Variants in WWOX observed in about 807,000 individuals in gnomAD.
The protein encoded by WWOX is WW domain-containing oxidoreductase.
Under a neutral mutation model 46.2 loss-of-function variants are expected in WWOX, and 69 were observed. The ratio of observed to expected loss-of-function variants is 1.49; its 90% CI spans 1.23 to 1.82. The LOEUF is 1.82. Among genes scored for constraint, WWOX ranks in the 40% most tolerant of loss-of-function variants. The pLI is 0.00. For missense variants in WWOX, 919 were observed against 542.6 expected (o/e 1.69, Z -6.89); for synonymous variants, 359 against 202.6 (o/e 1.77, Z -6.56).
Position 78,691,335 on chromosome 16 carries a change from C to A in WWOX, c.1056+258583C>A, listed in dbSNP as rs1166843528. 6 of 699,240 alleles carry A rather than the reference C, an allele frequency of 8.6e-6. No individual in the cohort carries two copies. The East Asian group carries it at 1.1e-4, about 13-fold the overall frequency. 43.3% of individuals were successfully genotyped at this position (699,240 alleles called of 1,614,324 possible). On this transcript the variant is annotated intron_variant, in intron 8 of 8. Transcript: ENST00000566780. Reference sequence around the variant, plus strand: ...AAAAGATTTACAATTATTTCATTTTCAACATAGCTTTATCTTATGACAAAG... The same window carrying A: ...AAAAGATTTACAATTATTTCATTTTAAACATAGCTTTATCTTATGACAAAG...
chr16:78,721,093 T>C (rs76960625), intron 8 of WWOX, among the ~76,000 whole-genome samples: 3,296 of 152,254 alleles, frequency 0.022, 69 homozygotes, highest in African/African-American at 0.046. Context: ...TATATATTTA[T>C]ATAAATCTCT....
chr16:78,544,760 A>G lies in WWOX; in HGVS notation c.1056+112008A>G, dbSNP rs536771614. 1.1e-4 allele frequency among the ~76,000 whole-genome samples: 17 copies of G among 152,270 alleles called. No homozygotes were observed. The South Asian group carries it at 3.3e-3, about 30-fold the overall frequency. On this transcript the variant is annotated intron_variant, in intron 8 of 8. Transcript: ENST00000566780. ...TATGGTTGTGCACTCCTGTGGTTCCAGCTACTCAGGAGACTGCGGTAGGGG... is the reference window on the plus strand; with the variant it reads ...TATGGTTGTGCACTCCTGTGGTTCCGGCTACTCAGGAGACTGCGGTAGGGG...
rs1268902626 is a variant in WWOX, at chr16:78,099,866, G to C, written c.88G>C (p.Gly30Arg). 12 of 1,574,800 alleles carry C rather than the reference G, an allele frequency of 7.6e-6. No homozygotes were observed. Among genetic ancestry groups the C allele is most frequent in the South Asian group, 2.3e-5 (2 of 85,434 alleles). ...PGWEERTTKD[G>R]WVYYANHTEE... ...CTGGGAGGAGAGAACCACCAAGGAC[G>C]GCTGGGTTTACTACGCCAAGTAAGG... is the stretch of plus-strand genomic sequence containing the variant. The change falls in exon 1 of 9, where the codon GGC (glycine) becomes CGC (arginine). Residue 30 changes from glycine (G) to arginine (R), a missense_variant. Physicochemically the swap from Gly to Arg is moderately radical, Grantham distance 125. Coordinates refer to ENST00000566780, the MANE Select transcript of WWOX (RefSeq NM_016373.4).
At chr16:78,760,031 G>C (rs967354506) in intron 8 of WWOX, among the ~76,000 whole-genome samples, 1 of 152,034 alleles carries the variant, frequency 6.6e-6, no homozygotes, top group African/African-American at 2.4e-5. Flanking sequence ...GGATGTATTT[G>C]TCTGTGTTCA....
chr16:78,901,273 A>G (rs1029340757), intron 8 of WWOX, among the ~76,000 whole-genome samples: 2 of 152,266 alleles, frequency 1.3e-5, no homozygotes, highest in Admixed American at 6.5e-5. Flanking sequence ...TGGGAGGACA[A>G]AAGATCACAA....
In WWOX at chr16:79,065,519, G is replaced by T. The variant is rs191714689; in HGVS notation, c.1057-146089G>T. On this transcript the variant is annotated intron_variant, in intron 8 of 8. Transcript: ENST00000566780. ...GTCCCAGGCCTAGGTGGGGTCAGTG[G>T]GTCATCAAAATGCAAAAGTCTGAAA... Among the ~76,000 whole-genome samples the T allele has an allele frequency of 2.3e-3, 354 of 152,188 alleles. 2 individuals carry two copies. Among genetic ancestry groups the T allele is most frequent in the African/African-American group, 8.2e-3 (340 of 41,516 alleles).
chr16:79,080,530 C>T lies in WWOX; in HGVS notation c.1057-131078C>T, dbSNP rs376781400. On this transcript the variant is annotated intron_variant, in intron 8 of 8. Transcript: ENST00000566780. ...CGTTGCAGAAGATCAGGAATTTGCA[C>T]ATTATAGCCACAACCATACCCAGAA... Among the ~76,000 whole-genome samples the T allele has an allele frequency of 4.6e-5, 7 of 152,330 alleles. No homozygotes were observed. In the East Asian group the frequency reaches 9.7e-4, roughly 21 times the overall value.
At chr16:78,808,417 A>G (rs996014910) in intron 8 of WWOX, among the ~76,000 whole-genome samples, 2 of 152,230 alleles carry the variant, frequency 1.3e-5, no homozygotes, top group African/African-American at 4.8e-5. Context: ...GGTAAATGCT[A>G]TTGGGATGTG....
At chr16:78,848,052 C>G (rs1370705240) in intron 8 of WWOX, among the ~76,000 whole-genome samples, 2 of 152,186 alleles carry the variant, frequency 1.3e-5, no homozygotes, top group East Asian at 1.9e-4. Flanking sequence ...CTAGAGTCAT[C>G]TAGCTACTAG....
At chr16:78,456,504 A>G (rs1158933843) in intron 8 of WWOX, among the ~76,000 whole-genome samples, 3 of 152,246 alleles carry the variant, frequency 2.0e-5, no homozygotes, top group Non-Finnish European at 4.4e-5. Context: ...GTCTTAAGCA[A>G]TAGCCTTAAA....
intron 5 of WWOX, among the ~76,000 whole-genome samples, chr16:78,373,692 A>T (rs1047474344): frequency 6.6e-6 from 1 of 151,746 alleles, no homozygotes; most frequent in African/African-American, 2.4e-5. Context: ...ATTTAAGTTC[A>T]TGTTTCTTTT....
In WWOX at chr16:78,278,621, C is replaced by T. The variant is rs774768785; in HGVS notation, c.517-108239C>T. ...CTTACAGAAAACAAAATACCACCCT[C>T]CGCCAGAAAAGTGCAGAATAAAAAT... On this transcript the variant is annotated intron_variant, in intron 5 of 8. Coordinates refer to ENST00000566780, the MANE Select transcript of WWOX (RefSeq NM_016373.4). 33 of 1,611,044 alleles carry T rather than the reference C, an allele frequency of 2.0e-5. No homozygotes were observed. In the South Asian group the frequency reaches 3.3e-4, roughly 16 times the overall value.
At chr16:78,654,742 C>G (rs1224144480) in intron 8 of WWOX, among the ~76,000 whole-genome samples, 1 of 151,496 alleles carries the variant, frequency 6.6e-6, no homozygotes, top group Non-Finnish European at 1.5e-5. Context: ...ATTTTTTTAA[C>G]CTTTCTTAAC....
At chr16:78,961,853 T>C (rs978969436) in intron 8 of WWOX, among the ~76,000 whole-genome samples, 4 of 152,192 alleles carry the variant, frequency 2.6e-5, no homozygotes, top group East Asian at 1.9e-4. Flanking sequence ...TCCATGAAGT[T>C]GATTTTGCAG....
intron 5 of WWOX, among the ~76,000 whole-genome samples, chr16:78,271,912 G>A (rs563380737): frequency 6.6e-6 from 1 of 152,106 alleles, no homozygotes; most frequent in Non-Finnish European, 1.5e-5. Context: ...TACGTTTTCC[G>A]GGATAACTTA....
At position 78,410,953 on chromosome 16, in the gene WWOX, C is replaced by G. The variant is rs1190597258; in HGVS notation, c.606-13917C>G. Reference sequence around the variant, plus strand: ...AAAGCTATAATTCCTGACTATTGACCAGAGGCGAACCTCAGTTCCCTGCCA... The same window carrying G: ...AAAGCTATAATTCCTGACTATTGACGAGAGGCGAACCTCAGTTCCCTGCCA... On this transcript the variant is annotated intron_variant, in intron 6 of 8. Transcript: ENST00000566780. 2.0e-5 allele frequency among the ~76,000 whole-genome samples: 3 copies of G among 152,202 alleles called. No individual in the cohort carries two copies. In the East Asian group the frequency reaches 5.8e-4, roughly 29 times the overall value.
At chr16:78,474,142 G>A (rs2084300154) in intron 8 of WWOX, among the ~76,000 whole-genome samples, 2 of 152,190 alleles carry the variant, frequency 1.3e-5, no homozygotes, top group South Asian at 2.1e-4. Flanking sequence ...ACACGTTTAT[G>A]GATTGAAATG....
chr16:78,598,954 T>C (rs1245049190), intron 8 of WWOX, among the ~76,000 whole-genome samples: 2 of 152,120 alleles, frequency 1.3e-5, no homozygotes, highest in Non-Finnish European at 2.9e-5. Flanking sequence ...GCACAGGAAG[T>C]TTCAGTGATG....
chr16:79,019,499 G>C (rs115988242), intron 8 of WWOX, among the ~76,000 whole-genome samples: 1,710 of 152,058 alleles, frequency 0.011, 35 homozygotes, highest in African/African-American at 0.034. Context: ...ATAATCTTTG[G>C]GACAGCCATC....
Sources: allele counts gnomAD v4.1 joint callset (sites outside exome capture counted in the v4.1 genomes callset), GRCh38; gene constraint gnomAD v4.1.1; transcripts MANE v1.5; gene names NCBI Gene and HGNC (gene_info 2026-07-23, HGNC 2026-07-21).